CDK5RAP2: variants seen among roughly 807,000 people sequenced by gnomAD.
The protein encoded by CDK5RAP2 is CDK5 regulatory subunit associated protein 2.
CDK5RAP2 carries 147 observed loss-of-function variants against 232.9 expected under a neutral mutation model. That is an observed-to-expected ratio of 0.63 (90% CI 0.55 to 0.72). The LOEUF (loss-of-function observed/expected upper bound fraction) is 0.72. Among genes scored for constraint, CDK5RAP2 ranks in the 30% least tolerant of loss-of-function variants. The pLI is 0.00. For missense variants in CDK5RAP2, 2,195 were observed against 2,231.5 expected (o/e 0.98, Z 0.33); for synonymous variants, 833 against 833.7 (o/e 1.00, Z 0.01).
intron 10 of CDK5RAP2, among the ~76,000 whole-genome samples, chr9:120,527,518 G>GATA (rs1434323949): frequency 7.5e-5 from 1 of 13,332 alleles, no homozygotes; most frequent in African/African-American, 9.9e-5. Flanking sequence ...TTTTGGGGGG[G>GATA]GATATATATA....
chr9:120,516,085 T>C (rs569404798), intron 12 of CDK5RAP2, among the ~76,000 whole-genome samples: 2 of 152,244 alleles, frequency 1.3e-5, no homozygotes, highest in East Asian at 1.9e-4. Flanking sequence ...ATTTCGGCAC[T>C]ATTCACAACA....
At chr9:120,459,722 A>G (rs2036977052) in intron 19 of CDK5RAP2, among the ~76,000 whole-genome samples, 1 of 152,238 alleles carries the variant, frequency 6.6e-6, no homozygotes, top group Non-Finnish European at 1.5e-5. Flanking sequence ...TCACAGAGAT[A>G]GTAGTGCCAA....
Position 120,435,414 on chromosome 9 carries a change from G to A in CDK5RAP2, c.3955+1881C>T, listed in dbSNP as rs559195126. On this transcript the variant is annotated intron_variant, in intron 25 of 37. Transcript: ENST00000349780. ...GGAAAGAACCCAGTGAGTCTGGACTGGAATTAAAGGCACCATTGTGAAGTA... is the reference window on the plus strand; with the variant it reads ...GGAAAGAACCCAGTGAGTCTGGACTAGAATTAAAGGCACCATTGTGAAGTA... 5.3e-5 allele frequency among the ~76,000 whole-genome samples: 8 copies of A among 151,844 alleles called. No homozygotes were observed. The South Asian group carries it at 1.0e-3, about 20-fold the overall frequency.
chr9:120,507,500 G>A (rs1329729240), intron 12 of CDK5RAP2, among the ~76,000 whole-genome samples: 4 of 152,056 alleles, frequency 2.6e-5, no homozygotes, highest in Non-Finnish European at 5.9e-5. Flanking sequence ...CTAGGATTAG[G>A]AATACCCAAA....
At chr9:120,482,770 T>C (rs1310197054) in intron 14 of CDK5RAP2, among the ~76,000 whole-genome samples, 1 of 152,198 alleles carries the variant, frequency 6.6e-6, no homozygotes, top group African/African-American at 2.4e-5. Context: ...GAGACCGATA[T>C]GAATCTTAAG....
chr9:120,420,525 C>T (rs2034503139), intron 26 of CDK5RAP2, among the ~76,000 whole-genome samples: 1 of 151,654 alleles, frequency 6.6e-6, no homozygotes, highest in South Asian at 2.1e-4. Context: ...AAGCAGGTTT[C>T]AATATCGTTA....
rs528489494 is a variant in CDK5RAP2, at chr9:120,528,046, T to G, written c.880-121A>C. The G allele has an allele frequency of 2.1e-5, 29 of 1,355,954 alleles. 1 individual carries two copies. In the South Asian group the frequency reaches 2.4e-4, roughly 11 times the overall value. The allele number at this position is 1,355,954 out of a possible 1,614,324, so 84.0% of individuals were successfully genotyped here. ...CTATCTTATTCCTGTCAACCTGTGA[T>G]TAATGTTTCCAAGTGGAGCTGAACA... is the stretch of plus-strand genomic sequence containing the variant. On this transcript the variant is annotated intron_variant, in intron 9 of 37. Transcript: ENST00000349780.
At position 120,518,525 on chromosome 9, in the gene CDK5RAP2, T is replaced by A. The variant is rs2131838357; in HGVS notation, c.1213A>T (p.Thr405Ser). Residue 405 changes from threonine (T) to serine (S), a missense_variant, in exon 12 of 38, where the codon ACC (threonine) becomes TCC (serine). Transcript: ENST00000349780. ...HRLRRSIKKI[T>S]QELSDLQQER... ...TGCTGCAAGTCACTCAGCTCCTGGG[T>A]GATCTTCTTAATGCTTCTACGCAGT... The A allele has an allele frequency of 1.2e-6, 2 of 1,613,790 alleles. No individual in the cohort carries two copies. Among genetic ancestry groups the A allele is most frequent in the East Asian group, 4.5e-5 (2 of 44,854 alleles).
intron 30 of CDK5RAP2, among the ~76,000 whole-genome samples, chr9:120,408,795 G>A (rs1165384083): frequency 6.6e-6 from 1 of 152,252 alleles, no homozygotes; most frequent in Non-Finnish European, 1.5e-5. Context: ...CTTTGCCTCA[G>A]GGCCTGCGCC....
At position 120,408,511 on chromosome 9, in the gene CDK5RAP2, C is replaced by T. The variant is rs374251617; in HGVS notation, c.4605-43G>A. The T allele has an allele frequency of 9.9e-6, 16 of 1,612,670 alleles. No homozygotes were observed. In the African/African-American group the frequency reaches 1.2e-4, roughly 12 times the overall value. ...GCATGAGAAGGACAGGTTAATTCTA[C>T]CTCAGGGTAACTTATTCAAACCCCA... is the stretch of plus-strand genomic sequence containing the variant. On this transcript the variant is annotated intron_variant, in intron 30 of 37. Coordinates refer to ENST00000349780, the MANE Select transcript of CDK5RAP2 (RefSeq NM_018249.6).
chr9:120,451,718 C>A (rs1484493675), intron 21 of CDK5RAP2, among the ~76,000 whole-genome samples: 1 of 152,046 alleles, frequency 6.6e-6, no homozygotes, highest in East Asian at 1.9e-4. Flanking sequence ...TAGTTTATAT[C>A]CCTGTCACTC....
At chr9:120,515,138 C>T (rs1002409863) in intron 12 of CDK5RAP2, among the ~76,000 whole-genome samples, 20 of 151,964 alleles carry the variant, frequency 1.3e-4, no homozygotes, top group Admixed American at 7.9e-4. Flanking sequence ...ACCAAACAAA[C>T]ATTATAATGG....
At chr9:120,461,676 T>C (rs1322084061) in intron 18 of CDK5RAP2, among the ~76,000 whole-genome samples, 2 of 152,112 alleles carry the variant, frequency 1.3e-5, no homozygotes, top group Non-Finnish European at 2.9e-5. Flanking sequence ...CACCTGTCTC[T>C]ACAAAAAACA....
At chr9:120,503,038 A>C (rs879533620) in intron 12 of CDK5RAP2, among the ~76,000 whole-genome samples, 2 of 152,200 alleles carry the variant, frequency 1.3e-5, no homozygotes, top group Non-Finnish European at 2.9e-5. Flanking sequence ...AAAGCTTTAC[A>C]AAAGCTCTAG....
At chr9:120,475,883 A>G (rs1270518516) in intron 15 of CDK5RAP2, among the ~76,000 whole-genome samples, 3 of 152,198 alleles carry the variant, frequency 2.0e-5, no homozygotes, top group Non-Finnish European at 4.4e-5. Context: ...GGGAGCTCCA[A>G]CACAGGTGAG....
intron 20 of CDK5RAP2, among the ~76,000 whole-genome samples, chr9:120,454,231 C>A (rs1349890944): frequency 6.6e-6 from 1 of 152,238 alleles, no homozygotes; most frequent in Non-Finnish European, 1.5e-5. Flanking sequence ...CTCCCTGACT[C>A]TACCCCGCCA....
chr9:120,520,903 A>G (rs2040617727), intron 11 of CDK5RAP2, among the ~76,000 whole-genome samples: 1 of 10,828 alleles, frequency 9.2e-5, no homozygotes, highest in Non-Finnish European at 4.1e-4. Context: ...TATCTCATAT[A>G]TCATATATCT....
intron 35 of CDK5RAP2, among the ~76,000 whole-genome samples, chr9:120,398,751 G>T (rs2032737820): frequency 6.6e-6 from 1 of 152,194 alleles, no homozygotes. Context: ...AAACAAGTAT[G>T]TGTGTACATT....
intron 3 of CDK5RAP2, among the ~76,000 whole-genome samples, chr9:120,562,845 C>A (rs143739542): frequency 2.0e-5 from 3 of 152,184 alleles, no homozygotes; most frequent in African/African-American, 7.2e-5. Flanking sequence ...TCACCACAAG[C>A]CTCAGATAAA....
Sources: allele counts gnomAD v4.1 joint callset (sites outside exome capture counted in the v4.1 genomes callset), GRCh38; gene constraint gnomAD v4.1.1; transcripts MANE v1.5; gene names NCBI Gene and HGNC (gene_info 2026-07-23, HGNC 2026-07-21).